SHISA6: variants seen among roughly 807,000 people sequenced by gnomAD.
The protein encoded by SHISA6 is shisa family member 6.
A neutral mutation model predicts 47.9 loss-of-function variants in SHISA6; 22 were observed. That is an observed-to-expected ratio of 0.46 (90% CI 0.33 to 0.66). SHISA6 has a LOEUF of 0.66. Ranked by LOEUF, SHISA6 falls within the 30% of genes least tolerant of loss-of-function variation. SHISA6 has a pLI of 0.02. For missense variants in SHISA6, 680 were observed against 764.6 expected (o/e 0.89, Z 1.30); for synonymous variants, 388 against 337.8 (o/e 1.15, Z -1.63).
At chr17:11,306,654 G>A (rs1213970032) in intron 2 of SHISA6, among the ~76,000 whole-genome samples, 2 of 152,208 alleles carry the variant, frequency 1.3e-5, no homozygotes, top group Admixed American at 6.5e-5. Flanking sequence ...GGGCTGTGGT[G>A]GCTTTAGGCA....
rs781706846 is a variant in SHISA6, at chr17:11,276,684, C to CCACCACCATCATCACCAT, written c.799+13168_799+13185dup. ...ACCATCACCACTGCCATTGACATCA[C>CCACCACCATCATCACCAT]CACCACCATCATCACCATCACCACC... On this transcript the variant is annotated intron_variant, in intron 2 of 5. Coordinates refer to ENST00000441885, the MANE Select transcript of SHISA6 (RefSeq NM_207386.4). Among the ~76,000 whole-genome samples, 735 of 152,048 alleles carry CCACCACCATCATCACCAT rather than the reference C, an allele frequency of 4.8e-3. 2 individuals are homozygous for CCACCACCATCATCACCAT. Among genetic ancestry groups the CCACCACCATCATCACCAT allele is most frequent in the South Asian group, 0.021 (101 of 4,780 alleles).
At chr17:11,519,406 C>G (rs1246736918) in intron 3 of SHISA6, among the ~76,000 whole-genome samples, 1 of 152,152 alleles carries the variant, frequency 6.6e-6, no homozygotes, top group Non-Finnish European at 1.5e-5. Context: ...AAAAATTCAA[C>G]AGTTTCACTT....
At position 11,241,687 on chromosome 17, in the gene SHISA6, G is replaced by A. The variant is rs1478111812; in HGVS notation, c.265G>A (p.Val89Ile). Reference sequence around the variant, plus strand: ...TGTGGCGGCGGCGGCCAGCGCGGCCGTCACCTACGAGACGTGCTGGGGCTA... The same window carrying A: ...TGTGGCGGCGGCGGCCAGCGCGGCCATCACCTACGAGACGTGCTGGGGCTA... ...AAVAAAASAAVTYETCWGYYD... is the reference protein window; with the variant it reads ...AAVAAAASAAITYETCWGYYD... The change falls in exon 1 of 6, where the codon GTC (valine) becomes ATC (isoleucine). Residue 89 changes from valine (V) to isoleucine (I), a missense_variant. Transcript: ENST00000441885. The surrounding 1 kb of genome is among the most constrained non-coding windows in gnomAD (Gnocchi z 5.5). The A allele has an allele frequency of 2.0e-6, 3 of 1,502,764 alleles. No individual in the cohort carries two copies. The highest frequency in any genetic ancestry group is 2.7e-5 in the East Asian group (1 of 37,148). 93.1% of individuals were successfully genotyped at this position (1,502,764 alleles called of 1,614,324 possible).
intron 2 of SHISA6, among the ~76,000 whole-genome samples, chr17:11,355,348 A>G (rs1288120780): frequency 6.6e-6 from 1 of 152,248 alleles, no homozygotes; most frequent in Non-Finnish European, 1.5e-5. Flanking sequence ...TTTACCTTGT[A>G]CATAGGTCTC....
At chr17:11,343,071 A>G (rs1467653410) in intron 2 of SHISA6, among the ~76,000 whole-genome samples, 1 of 152,186 alleles carries the variant, frequency 6.6e-6, no homozygotes, top group Non-Finnish European at 1.5e-5. Context: ...GAAGATACAC[A>G]CAGCTGGAAC....
chr17:11,274,998 G>A (rs1023763756), intron 2 of SHISA6, among the ~76,000 whole-genome samples: 4 of 152,158 alleles, frequency 2.6e-5, no homozygotes, highest in Admixed American at 6.5e-5. Context: ...GGGACTAAAG[G>A]TTTGCAGAAG....
chr17:11,263,644 C>T, intron 2 of SHISA6, 118 bp downstream of exon 2: 1 of 1,305,330 alleles, frequency 7.7e-7, no homozygotes, highest in East Asian at 2.5e-5. Context: ...CTCTCATGGA[C>T]AGGCAGGCTG....
chr17:11,528,172 T>C lies in SHISA6; in HGVS notation c.896-23724T>C, dbSNP rs114843105. Among the ~76,000 whole-genome samples, 853 of 152,288 alleles carry C rather than the reference T, an allele frequency of 5.6e-3. 12 individuals are homozygous for C. Among genetic ancestry groups the C allele is most frequent in the African/African-American group, 0.019 (804 of 41,546 alleles). On this transcript the variant is annotated intron_variant, in intron 3 of 5. Coordinates refer to ENST00000441885, the MANE Select transcript of SHISA6 (RefSeq NM_207386.4). Reference sequence around the variant, plus strand: ...TACCAAACTAAGCAGTTGTATCCATTGTAAAAGAAAAAATATGAACTAATT... The same window carrying C: ...TACCAAACTAAGCAGTTGTATCCATCGTAAAAGAAAAAATATGAACTAATT...
At chr17:11,452,842 C>G (rs978617607) in intron 3 of SHISA6, among the ~76,000 whole-genome samples, 41 of 151,268 alleles carry the variant, frequency 2.7e-4, no homozygotes, top group South Asian at 2.1e-4. Context: ...CTCTCTTCCT[C>G]TACTCCTTGT....
chr17:11,255,125 G>T (rs1245367585), intron 1 of SHISA6, among the ~76,000 whole-genome samples: 2 of 152,164 alleles, frequency 1.3e-5, no homozygotes, highest in Admixed American at 1.3e-4. Context: ...GTATTCTAGT[G>T]CCCAGAGTAG....
At chr17:11,425,235 G>T (rs189524580) in intron 3 of SHISA6, among the ~76,000 whole-genome samples, 12 of 151,828 alleles carry the variant, frequency 7.9e-5, no homozygotes. Flanking sequence ...TCTTGAGGGT[G>T]GTTGGAAACA....
chr17:11,372,138 T>C (rs995590586), intron 2 of SHISA6, among the ~76,000 whole-genome samples: 3 of 152,218 alleles, frequency 2.0e-5, no homozygotes, highest in Non-Finnish European at 4.4e-5. Context: ...TCTGCCTCCT[T>C]CTTTTTAACA....
At chr17:11,245,767 A>G in intron 1 of SHISA6, among the ~76,000 whole-genome samples, 1 of 148,728 alleles carries the variant, frequency 6.7e-6, no homozygotes, top group African/African-American at 2.5e-5. Context: ...GTGGATATCT[A>G]GGTGGGTGGG....
chr17:11,302,100 A>G (rs1431077284), intron 2 of SHISA6, among the ~76,000 whole-genome samples: 5 of 152,200 alleles, frequency 3.3e-5, no homozygotes, highest in Admixed American at 6.5e-5. Context: ...CCCATGATTC[A>G]GTTACCTCCC....
At chr17:11,429,054 G>T (rs948809158) in intron 3 of SHISA6, among the ~76,000 whole-genome samples, 1 of 152,102 alleles carries the variant, frequency 6.6e-6, no homozygotes, top group African/African-American at 2.4e-5. Context: ...CTCCCAAAGT[G>T]CTAGGATTAC....
intron 3 of SHISA6, among the ~76,000 whole-genome samples, chr17:11,421,799 T>C (rs759912986): frequency 6.6e-6 from 1 of 152,158 alleles, no homozygotes; most frequent in Non-Finnish European, 1.5e-5. Flanking sequence ...TAAGAGTAGA[T>C]TGGAGAGTAT....
intron 3 of SHISA6, among the ~76,000 whole-genome samples, chr17:11,389,607 G>A (rs1913321581): frequency 6.6e-6 from 1 of 152,178 alleles, no homozygotes; most frequent in African/African-American, 2.4e-5. Flanking sequence ...AGGAGAGAGG[G>A]CGGAGTTCTG....
At chr17:11,540,075 A>G (rs1334159868) in intron 3 of SHISA6, among the ~76,000 whole-genome samples, 1 of 152,116 alleles carries the variant, frequency 6.6e-6, no homozygotes, top group African/African-American at 2.4e-5. Context: ...ATCTTCCCAC[A>G]CGTTCCAGAC....
intron 3 of SHISA6, among the ~76,000 whole-genome samples, chr17:11,546,597 G>A (rs2071885482): frequency 6.6e-6 from 1 of 152,154 alleles, no homozygotes; most frequent in African/African-American, 2.4e-5. Flanking sequence ...CAGATCAAGT[G>A]GACTTAAAGG....
Sources: allele counts gnomAD v4.1 joint callset (sites outside exome capture counted in the v4.1 genomes callset), GRCh38; gene constraint gnomAD v4.1.1; non-coding constraint Gnocchi (gnomAD v3.1); transcripts MANE v1.5; gene names NCBI Gene and HGNC (gene_info 2026-07-23, HGNC 2026-07-21).